The following RHEB variants were observed in gnomAD, a reference collection of about 807,000 sequenced individuals.
RHEB encodes the protein Ras homolog, mTORC1 binding, also known as GTP-binding protein Rheb.
RHEB carries 2 observed loss-of-function variants against 28.8 expected under a neutral mutation model. That is an observed-to-expected ratio of 0.07 (90% CI 0.03 to 0.22). RHEB has a LOEUF of 0.22. Among genes scored for constraint, RHEB ranks in the 10% least tolerant of loss-of-function variants. The pLI is 1.00. For missense variants in RHEB, 76 were observed against 219.9 expected, an observed-to-expected ratio of 0.35 and a Z score of 4.14; for synonymous variants, 69 against 77.3, an observed-to-expected ratio of 0.89 and a Z score of 0.56.
chr7:151,515,619 G>A (rs1803064112), intron 1 of RHEB, among the ~76,000 whole-genome samples: 1 of 152,152 alleles, frequency 6.6e-6, no homozygotes, highest in Non-Finnish European at 1.5e-5. Flanking sequence ...TCACATACTG[G>A]TAGATGTCAT....
intron 3 of RHEB, among the ~76,000 whole-genome samples, chr7:151,483,644 A>G (rs1422945369): frequency 6.6e-6 from 1 of 152,160 alleles, no homozygotes; most frequent in Non-Finnish European, 1.5e-5. Flanking sequence ...TTAACTCAGG[A>G]GGCACAGGTT....
At chr7:151,467,900 C>A (rs1026424349) in intron 7 of RHEB, among the ~76,000 whole-genome samples, 1 of 152,120 alleles carries the variant, frequency 6.6e-6, no homozygotes, top group African/African-American at 2.4e-5. Flanking sequence ...AGACCCTGTC[C>A]TTTATTTTTC....
intron 1 of RHEB, among the ~76,000 whole-genome samples, chr7:151,509,944 A>G (rs1391892707): frequency 3.3e-5 from 5 of 152,176 alleles, no homozygotes; most frequent in Admixed American, 3.3e-4. Context: ...AAAGCTTGAG[A>G]TATTTACTAT....
intron 3 of RHEB, among the ~76,000 whole-genome samples, chr7:151,480,966 G>C (rs1223913853): frequency 6.6e-6 from 1 of 152,116 alleles, no homozygotes; most frequent in Non-Finnish European, 1.5e-5. Context: ...TTACAGGTGT[G>C]AATCTAAGTT....
At chr7:151,501,134 G>C (rs987260857) in intron 1 of RHEB, among the ~76,000 whole-genome samples, 1 of 152,100 alleles carries the variant, frequency 6.6e-6, no homozygotes, top group Non-Finnish European at 1.5e-5. Context: ...TAACATCTTG[G>C]ACTTCATCAA....
intron 1 of RHEB, among the ~76,000 whole-genome samples, chr7:151,515,183 C>T (rs1172545426): frequency 1.3e-5 from 2 of 151,990 alleles, no homozygotes; most frequent in African/African-American, 4.8e-5. Flanking sequence ...GAAGAAGCGA[C>T]ATATGCTACA....
intron 6 of RHEB, among the ~76,000 whole-genome samples, chr7:151,470,859 G>A (rs1202481647): frequency 6.6e-6 from 1 of 152,192 alleles, no homozygotes; most frequent in Non-Finnish European, 1.5e-5. Context: ...ATTGCTTTAT[G>A]GGATTATCCA....
In RHEB at chr7:151,468,249, A is replaced by T. The variant is rs1457347196; in HGVS notation, c.463-1038T>A. Among the ~76,000 whole-genome samples the T allele has an allele frequency of 2.0e-5, 3 of 152,130 alleles. No individual in the cohort carries two copies. Among genetic ancestry groups the T allele is most frequent in the African/African-American group, 7.2e-5 (3 of 41,434 alleles). ...TGAAGCAACAATTCTCAGCCCCACA[A>T]GGGGCCTGATTTGTTGACCCTATTA... On this transcript the variant is annotated intron_variant, in intron 7 of 7. Transcript: ENST00000262187. The surrounding 1 kb of genome is among the most constrained non-coding windows in gnomAD (Gnocchi z 4.3).
intron 2 of RHEB, among the ~76,000 whole-genome samples, chr7:151,487,563 T>C (rs1312443060): frequency 6.6e-6 from 1 of 152,134 alleles, no homozygotes; most frequent in Non-Finnish European, 1.5e-5. Context: ...TATCTTTGCA[T>C]GTAAAAAGAA....
Position 151,489,942 on chromosome 7 carries a change from G to A in RHEB, c.124+1001C>T, listed in dbSNP as rs552605561. 2.3e-4 allele frequency among the ~76,000 whole-genome samples: 35 copies of A among 152,304 alleles called. No homozygotes were observed. In the South Asian group the frequency reaches 3.1e-3, roughly 14 times the overall value. The stretch of plus-strand genomic sequence containing the variant: ...GTGATTCTCTTGCAAGCCTCCGGCC[G>A]GTGAAATATGCTTCGTGTCTAATAT... On this transcript the variant is annotated intron_variant, in intron 2 of 7. Coordinates refer to ENST00000262187, the MANE Select transcript of RHEB (RefSeq NM_005614.4).
intron 1 of RHEB, among the ~76,000 whole-genome samples, chr7:151,509,920 A>G (rs966893088): frequency 3.4e-4 from 52 of 152,326 alleles, no homozygotes; most frequent in South Asian, 1.2e-3. Context: ...GAGAGGCTAC[A>G]TGGCCTGCCC....
intron 1 of RHEB, among the ~76,000 whole-genome samples, chr7:151,504,417 C>A (rs898082474): frequency 3.3e-5 from 5 of 152,112 alleles, no homozygotes; most frequent in African/African-American, 4.8e-5. Context: ...GTGATGAAGC[C>A]CTGCTTTTCA....
At chr7:151,507,723 A>C (rs1219235544) in intron 1 of RHEB, among the ~76,000 whole-genome samples, 1 of 152,234 alleles carries the variant, frequency 6.6e-6, no homozygotes, top group Non-Finnish European at 1.5e-5. Flanking sequence ...TATTATTATT[A>C]TGACAAAGAC....
intron 2 of RHEB, among the ~76,000 whole-genome samples, chr7:151,490,092 G>C (rs1215688905): frequency 6.6e-6 from 1 of 152,192 alleles, no homozygotes; most frequent in Non-Finnish European, 1.5e-5. Context: ...TTCTAAGCCT[G>C]AAAAGACCAG....
intron 1 of RHEB, chr7:151,498,256 T>G: frequency 1.4e-6 from 1 of 705,132 alleles, no homozygotes; most frequent in Non-Finnish European, 2.2e-6. Flanking sequence ...AGCAGCTCTC[T>G]AACTTTAGGG....
intron 2 of RHEB, among the ~76,000 whole-genome samples, chr7:151,489,326 C>A (rs543879662): frequency 1.6e-4 from 25 of 152,078 alleles, no homozygotes; most frequent in Non-Finnish European, 3.1e-4. Flanking sequence ...CTTGTTCATC[C>A]AGCACTCACA....
chr7:151,477,507 C>A, intron 3 of RHEB, 92 bp from the exon 4 acceptor site: 1 of 720,370 alleles, frequency 1.4e-6, no homozygotes, highest in South Asian at 1.7e-5. Flanking sequence ...CTGAAGAAAT[C>A]AAAGTAGACG....
chr7:151,485,889 C>G (rs982245118), intron 2 of RHEB, among the ~76,000 whole-genome samples: 3 of 152,106 alleles, frequency 2.0e-5, no homozygotes, highest in Non-Finnish European at 4.4e-5. Flanking sequence ...GATAACAGAC[C>G]ACAGCATGAA....
chr7:151,483,448 G>C (rs754927355), intron 3 of RHEB, among the ~76,000 whole-genome samples: 1 of 152,066 alleles, frequency 6.6e-6, no homozygotes, highest in African/African-American at 2.4e-5. Flanking sequence ...GCCAGGCATG[G>C]TGGCTCATGC....
Sources: gnomAD v4.1 joint callset for allele counts (sites outside exome capture counted in the v4.1 genomes callset) on GRCh38, gnomAD v4.1.1 for gene constraint, Gnocchi (gnomAD v3.1) non-coding constraint, MANE v1.5 for transcripts, NCBI Gene and HGNC (gene_info 2026-07-23, HGNC 2026-07-21) for gene names.